Variants in CMTM8 observed in about 807,000 individuals in gnomAD.
CMTM8 encodes CKLF-like MARVEL transmembrane domain-containing protein 8.
Under a neutral mutation model 18.6 loss-of-function variants are expected in CMTM8, and 12 were observed. The observed-to-expected ratio is 0.65, with a 90% confidence interval of 0.41 to 1.05. The LOEUF (loss-of-function observed/expected upper bound fraction) is 1.05. Ranked by LOEUF, CMTM8 falls within the 50% of genes least tolerant of loss-of-function variation. CMTM8 has a pLI of 0.00. For synonymous variants in CMTM8, 87 were observed against 90.6 expected (o/e 0.96, Z 0.23); for missense variants, 217 against 227.2 (o/e 0.95, Z 0.29).
At chr3:32,315,550 A>G (rs886486662) in intron 1 of CMTM8, among the ~76,000 whole-genome samples, 1 of 152,240 alleles carries the variant, frequency 6.6e-6, no homozygotes, top group Non-Finnish European at 1.5e-5. Context: ...GAAGGCACCC[A>G]CAGTGGGATC....
chr3:32,310,983 A>G (rs1695809256), intron 1 of CMTM8, among the ~76,000 whole-genome samples: 2 of 152,244 alleles, frequency 1.3e-5, no homozygotes, highest in Non-Finnish European at 2.9e-5. Flanking sequence ...AAGTGAATGA[A>G]TAAACAGTTG....
intron 1 of CMTM8, among the ~76,000 whole-genome samples, chr3:32,272,444 T>C (rs1702453049): frequency 6.6e-6 from 1 of 152,208 alleles, no homozygotes; most frequent in Non-Finnish European, 1.5e-5. Context: ...AAAACTCTAA[T>C]TAAATGTGTG....
intron 1 of CMTM8, among the ~76,000 whole-genome samples, chr3:32,332,238 C>T (rs998649502): frequency 7.2e-5 from 11 of 152,242 alleles, no homozygotes; most frequent in Middle Eastern, 3.4e-3. Flanking sequence ...TCGCAGTGGA[C>T]GCAGCACAGG....
rs117487028 is a variant in CMTM8, at chr3:32,333,426, C to T, written c.148-23947C>T. The stretch of plus-strand genomic sequence containing the variant: ...CTTGTTAGAAATGCAGATCTTAGGC[C>T]TCATCCCAGACCTGCTGGGTCAGCA... On this transcript the variant is annotated intron_variant, in intron 1 of 3. Transcript: ENST00000307526. Among the ~76,000 whole-genome samples the T allele has an allele frequency of 6.0e-4, 91 of 152,280 alleles. 1 individual carries two copies. The East Asian group carries it at 0.013, about 22-fold the overall frequency.
At chr3:32,359,711 T>C (rs1696885232) in intron 2 of CMTM8, among the ~76,000 whole-genome samples, 2 of 152,204 alleles carry the variant, frequency 1.3e-5, no homozygotes, top group East Asian at 3.8e-4. Flanking sequence ...CCTTCACTGA[T>C]TTATTACATT....
At chr3:32,286,511 A>G (rs1702689753) in intron 1 of CMTM8, among the ~76,000 whole-genome samples, 1 of 152,176 alleles carries the variant, frequency 6.6e-6, no homozygotes, top group East Asian at 1.9e-4. Flanking sequence ...GATCTGTGCA[A>G]TGAGTTTCTC....
intron 1 of CMTM8, among the ~76,000 whole-genome samples, chr3:32,352,758 G>T (rs564640562): frequency 1.3e-5 from 2 of 152,272 alleles, no homozygotes; most frequent in South Asian, 4.1e-4. Flanking sequence ...TGATTTGGAT[G>T]CTGGTTACAC....
At chr3:32,258,982 T>G in intron 1 of CMTM8, 1 of 329,730 alleles carries the variant, frequency 3.0e-6, no homozygotes, top group Non-Finnish European at 5.9e-6. Flanking sequence ...CAACTGCCAG[T>G]CCGTGGGCTC....
chr3:32,356,845 C>G (rs1391676433), intron 1 of CMTM8, among the ~76,000 whole-genome samples: 1 of 152,122 alleles, frequency 6.6e-6, no homozygotes, highest in Non-Finnish European at 1.5e-5. Flanking sequence ...TATTTAAAAT[C>G]AAGATTATTA....
intron 3 of CMTM8, among the ~76,000 whole-genome samples, chr3:32,368,572 T>C (rs1697091135): frequency 6.6e-6 from 1 of 150,754 alleles, no homozygotes; most frequent in Non-Finnish European, 1.5e-5. Flanking sequence ...GCCATCCTCC[T>C]ACCTCAGCCT....
chr3:32,286,983 T>C (rs1702699058), intron 1 of CMTM8, among the ~76,000 whole-genome samples: 1 of 152,216 alleles, frequency 6.6e-6, no homozygotes, highest in Non-Finnish European at 1.5e-5. Context: ...CGTGGGCAGA[T>C]CTCTCAAGGC....
intron 1 of CMTM8, among the ~76,000 whole-genome samples, chr3:32,338,797 A>G (rs1696437565): frequency 6.6e-6 from 1 of 152,242 alleles, no homozygotes; most frequent in Non-Finnish European, 1.5e-5. Context: ...GTCTGTACAT[A>G]AGGAATTCAG....
chr3:32,329,658 A>G (rs1053440656), intron 1 of CMTM8, among the ~76,000 whole-genome samples: 2 of 152,218 alleles, frequency 1.3e-5, no homozygotes, highest in African/African-American at 4.8e-5. Flanking sequence ...CCAACAGCTA[A>G]TATCATATTC....
intron 1 of CMTM8, among the ~76,000 whole-genome samples, chr3:32,285,500 G>A (rs1034858467): frequency 2.9e-5 from 4 of 135,884 alleles, no homozygotes; most frequent in Admixed American, 2.3e-4. Flanking sequence ...GTGACAGAGC[G>A]AGATTCTATC....
At chr3:32,323,588 G>C (rs1177143760) in intron 1 of CMTM8, among the ~76,000 whole-genome samples, 1 of 152,108 alleles carries the variant, frequency 6.6e-6, no homozygotes, top group Non-Finnish European at 1.5e-5. Context: ...AGCTTCCTTG[G>C]AGCTTATGAG....
intron 1 of CMTM8, among the ~76,000 whole-genome samples, chr3:32,266,137 C>T (rs1225387683): frequency 6.6e-6 from 1 of 152,176 alleles, no homozygotes; most frequent in Admixed American, 6.5e-5. Context: ...CAAAGCCTGG[C>T]AGAGACACAA....
At chr3:32,323,293 T>C (rs1394311382) in intron 1 of CMTM8, among the ~76,000 whole-genome samples, 1 of 152,168 alleles carries the variant, frequency 6.6e-6, no homozygotes, top group African/African-American at 2.4e-5. Flanking sequence ...TTCACTTCCT[T>C]GAGATGCCTT....
At chr3:32,272,280 T>C (rs974513306) in intron 1 of CMTM8, among the ~76,000 whole-genome samples, 1 of 152,198 alleles carries the variant, frequency 6.6e-6, no homozygotes. Context: ...CATTATGATA[T>C]GTCTAGCTAA....
chr3:32,251,749 T>C (rs886511913), intron 1 of CMTM8, among the ~76,000 whole-genome samples: 1 of 152,098 alleles, frequency 6.6e-6, no homozygotes, highest in Non-Finnish European at 1.5e-5. Context: ...GCCACAAGGT[T>C]ACACAAATAT....
Sources: allele counts gnomAD v4.1 joint callset (sites outside exome capture counted in the v4.1 genomes callset), GRCh38; gene constraint gnomAD v4.1.1; transcripts MANE v1.5; gene names NCBI Gene and HGNC (gene_info 2026-07-23, HGNC 2026-07-21).